The following TDRD3 variants were observed in gnomAD, a reference collection of about 807,000 sequenced individuals.
TDRD3 encodes tudor domain containing 3.
Under a neutral mutation model 86.7 loss-of-function variants are expected in TDRD3, and 45 were observed. That is an observed-to-expected ratio of 0.52 (90% CI 0.41 to 0.67). TDRD3 has a LOEUF of 0.67. Among genes scored for constraint, TDRD3 ranks in the 30% least tolerant of loss-of-function variants. The pLI is 0.00. For missense variants in TDRD3, 814 were observed against 889.0 expected (o/e 0.92, Z 1.07); for synonymous variants, 298 against 301.7 (o/e 0.99, Z 0.13).
chr13:60,558,217 C>A (rs961619075), intron 12 of TDRD3, among the ~76,000 whole-genome samples: 2 of 152,098 alleles, frequency 1.3e-5, no homozygotes, highest in African/African-American at 2.4e-5. Context: ...AATATATTGG[C>A]CTGTTTTAGC....
intron 12 of TDRD3, among the ~76,000 whole-genome samples, chr13:60,565,213 G>C (rs532986166): frequency 2.0e-5 from 3 of 151,818 alleles, no homozygotes; most frequent in Non-Finnish European, 2.9e-5. Context: ...CCGCCACCGC[G>C]CCCGGCTAAT....
intron 3 of TDRD3, among the ~76,000 whole-genome samples, chr13:60,456,146 G>GA (rs979325404): frequency 2.0e-5 from 3 of 149,412 alleles, no homozygotes; most frequent in Admixed American, 6.7e-5. Context: ...CTAGAGTTAA[G>GA]AAAAAAAAAT....
chr13:60,505,314 A>G (rs1263304852), intron 8 of TDRD3, among the ~76,000 whole-genome samples: 1 of 152,192 alleles, frequency 6.6e-6, no homozygotes, highest in East Asian at 1.9e-4. Context: ...AGTGTAAACA[A>G]AGCCACCAGG....
intron 8 of TDRD3, 107 bp downstream of exon 8, chr13:60,494,682 T>C (rs73208075): frequency 0.058 from 55,844 of 966,084 alleles, 2,029 homozygotes; most frequent in Middle Eastern, 0.069. Flanking sequence ...TATGGATAGA[T>C]GTTATAACTC....
At chr13:60,444,287 G>A (rs922333160) in intron 2 of TDRD3, among the ~76,000 whole-genome samples, 5 of 151,808 alleles carry the variant, frequency 3.3e-5, no homozygotes, top group African/African-American at 1.2e-4. Flanking sequence ...GTAATGTCAA[G>A]GTTATATGAG....
intron 1 of TDRD3, among the ~76,000 whole-genome samples, chr13:60,398,048 G>A (rs1331710068): frequency 6.6e-6 from 1 of 152,208 alleles, no homozygotes; most frequent in East Asian, 1.9e-4. Context: ...TTTCTTGAAA[G>A]GATGGTGTTC....
At chr13:60,523,215 A>C (rs546175448) in intron 10 of TDRD3, among the ~76,000 whole-genome samples, 1 of 152,310 alleles carries the variant, frequency 6.6e-6, no homozygotes, top group Admixed American at 6.5e-5. Context: ...TTCTACTACA[A>C]AATGCAGGTA....
chr13:60,447,803 G>A (rs759937327), intron 3 of TDRD3, among the ~76,000 whole-genome samples: 3 of 152,144 alleles, frequency 2.0e-5, no homozygotes, highest in Admixed American at 6.6e-5. Flanking sequence ...GAGGATTGGA[G>A]AGCATTTGGC....
At chr13:60,410,003 C>T (rs1954321167) in intron 1 of TDRD3, among the ~76,000 whole-genome samples, 1 of 152,134 alleles carries the variant, frequency 6.6e-6, no homozygotes, top group Non-Finnish European at 1.5e-5. Context: ...GCCAGTCTTT[C>T]CTGTGCTAGT....
At chr13:60,456,610 A>AT (rs142331195) in intron 3 of TDRD3, among the ~76,000 whole-genome samples, 22,763 of 151,824 alleles carry the variant, frequency 0.15, 2,113 homozygotes, top group South Asian at 0.28. Context: ...TGAAATTGGT[A>AT]TTTTTTTTAC....
intron 8 of TDRD3, among the ~76,000 whole-genome samples, chr13:60,496,323 A>C (rs1839712449): frequency 1.4e-5 from 1 of 73,276 alleles, no homozygotes; most frequent in African/African-American, 4.4e-5. Flanking sequence ...ATATATATAT[A>C]TATATATATA....
intron 3 of TDRD3, among the ~76,000 whole-genome samples, chr13:60,447,070 A>G (rs556886325): frequency 6.6e-6 from 1 of 152,190 alleles, no homozygotes; most frequent in Non-Finnish European, 1.5e-5. Flanking sequence ...ATAAAATGAT[A>G]TTTTCTAGTT....
At chr13:60,507,968 A>G (rs1183685342) in intron 8 of TDRD3, among the ~76,000 whole-genome samples, 9 of 152,190 alleles carry the variant, frequency 5.9e-5, no homozygotes, top group Non-Finnish European at 2.9e-5. Flanking sequence ...AAGCATTCCT[A>G]TACACTGGTC....
intron 1 of TDRD3, among the ~76,000 whole-genome samples, chr13:60,407,651 A>G (rs1481528699): frequency 2.0e-5 from 3 of 152,250 alleles, no homozygotes; most frequent in Non-Finnish European, 4.4e-5. Flanking sequence ...TTTGCCCGAG[A>G]CAACCAGCTG....
chr13:60,442,252 A>G (rs1427751770), intron 2 of TDRD3, among the ~76,000 whole-genome samples: 11 of 152,172 alleles, frequency 7.2e-5, no homozygotes, highest in Non-Finnish European at 1.6e-4. Context: ...ACTGATCACT[A>G]TCCATTAGTA....
chr13:60,475,871 C>T (rs1221059648), intron 5 of TDRD3, among the ~76,000 whole-genome samples: 2 of 152,064 alleles, frequency 1.3e-5, no homozygotes, highest in Non-Finnish European at 2.9e-5. Flanking sequence ...ATGTCCTTTG[C>T]CTATTCTTTA....
chr13:60,399,701 A>C (rs1954040447), intron 1 of TDRD3, among the ~76,000 whole-genome samples: 1 of 152,250 alleles, frequency 6.6e-6, no homozygotes, highest in Non-Finnish European at 1.5e-5. Context: ...TTTTCTTAGT[A>C]TTCAAATCTA....
At chr13:60,496,389 G>A (rs1373897978) in intron 8 of TDRD3, among the ~76,000 whole-genome samples, 1 of 133,070 alleles carries the variant, frequency 7.5e-6, no homozygotes. Context: ...ACAGATTTTG[G>A]TACCAGGAGT....
upstream of TDRD3, chr13:60,397,186 G>A: frequency 2.4e-6 from 1 of 412,232 alleles, no homozygotes; most frequent in Non-Finnish European, 4.3e-6. Flanking sequence ...AGAAAACGCG[G>A]CGAGCGGAAC....
Sources: gnomAD v4.1 joint callset for allele counts (sites outside exome capture counted in the v4.1 genomes callset) on GRCh38, gnomAD v4.1.1 for gene constraint, MANE v1.5 for transcripts, NCBI Gene and HGNC (gene_info 2026-07-23, HGNC 2026-07-21) for gene names.